Variants in FOCAD observed in about 807,000 individuals in gnomAD.
FOCAD encodes focadhesin.
FOCAD carries 198 observed loss-of-function variants against 225.6 expected under a neutral mutation model. The ratio of observed to expected loss-of-function variants is 0.88; its 90% confidence interval spans 0.78 to 0.99. FOCAD has a LOEUF of 0.99. FOCAD is among the 50% of genes least tolerant of loss of function. FOCAD has a pLI of 0.00. For missense variants in FOCAD, 2,713 were observed against 2,123.6 expected, an observed-to-expected ratio of 1.28 and a Z score of -5.46; for synonymous variants, 897 against 755.0, an observed-to-expected ratio of 1.19 and a Z score of -3.08.
At chr9:20,737,854 G>C (rs1827274594) in intron 4 of FOCAD, among the ~76,000 whole-genome samples, 1 of 152,198 alleles carries the variant, frequency 6.6e-6, no homozygotes, top group Non-Finnish European at 1.5e-5. Flanking sequence ...TAGACCTTCA[G>C]AGGAGGCTGT....
In FOCAD at chr9:20,787,756, C is replaced by A. The variant is rs143989624; in HGVS notation, c.1198-1595C>A. On this transcript the variant is annotated intron_variant, in intron 10 of 43. Transcript: ENST00000338382. The stretch of plus-strand genomic sequence containing the variant: ...TACTAATTTCTTCTGTATTTGTCCA[C>A]ATACTTTTCTTTGCATGTACAAGCA... Among the ~76,000 whole-genome samples, 10 of 150,592 alleles carry A rather than the reference C, an allele frequency of 6.6e-5. No individual in the cohort carries two copies. In the East Asian group the frequency reaches 1.7e-3, roughly 26 times the overall value.
At chr9:20,814,714 T>TA (rs1823474553) in intron 11 of FOCAD, among the ~76,000 whole-genome samples, 1 of 152,110 alleles carries the variant, frequency 6.6e-6, no homozygotes, top group Non-Finnish European at 1.5e-5. Flanking sequence ...GCCATGGGAC[T>TA]TACATCAATA....
chr9:20,866,046 G>C, intron 17 of FOCAD, 70 bp downstream of exon 17: 1 of 1,287,404 alleles, frequency 7.8e-7, no homozygotes, highest in Non-Finnish European at 1.1e-6. Flanking sequence ...TGTAAAATAA[G>C]ACTCTTAGGA....
intron 15 of FOCAD, among the ~76,000 whole-genome samples, chr9:20,855,476 G>C (rs1038936848): frequency 2.0e-5 from 3 of 151,250 alleles, no homozygotes; most frequent in Non-Finnish European, 3.0e-5. Flanking sequence ...TTAGTTATGA[G>C]TACATAATAG....
At chr9:20,993,170 T>C (rs1841809738) in intron 42 of FOCAD, 83 bp from the exon 43 acceptor site, 13 of 1,143,054 alleles carry the variant, frequency 1.1e-5, no homozygotes, top group Non-Finnish European at 1.6e-5. Context: ...AATCACCTCA[T>C]ATATATAGGT....
chr9:20,935,303 A>G (rs902806116), intron 28 of FOCAD, among the ~76,000 whole-genome samples: 2 of 152,232 alleles, frequency 1.3e-5, no homozygotes, highest in Non-Finnish European at 2.9e-5. Flanking sequence ...CTTACACCTT[A>G]TATTACTAAG....
In FOCAD at chr9:20,720,360, A is replaced by T; in HGVS notation, c.133-20A>T. The T allele has an allele frequency of 6.2e-7, 1 of 1,612,692 alleles. No individual in the cohort carries two copies. The highest frequency in any genetic ancestry group is 8.5e-7 in the Non-Finnish European group (1 of 1,179,104). ...TTGCTGCTCATCAGAATTGTCTTCT[A>T]ATCACTGGTTTGGTTTCAGACTCCT... On this transcript the variant is annotated intron_variant, in intron 3 of 43. Transcript: ENST00000338382.
intron 21 of FOCAD, among the ~76,000 whole-genome samples, chr9:20,900,082 A>G (rs1384587143): frequency 6.6e-6 from 1 of 151,976 alleles, no homozygotes; most frequent in Admixed American, 6.6e-5. Context: ...CCTGTTGCAG[A>G]GGAAGCTGAA....
intron 35 of FOCAD, among the ~76,000 whole-genome samples, chr9:20,974,965 CT>C (rs1245822511): frequency 2.6e-5 from 4 of 152,056 alleles, no homozygotes; most frequent in Admixed American, 6.6e-5. Flanking sequence ...GCTGTTTTTC[CT>C]TTTGCTGACT....
chr9:20,893,371 G>T (rs774294920), intron 21 of FOCAD, among the ~76,000 whole-genome samples: 1 of 152,012 alleles, frequency 6.6e-6, no homozygotes. Flanking sequence ...GACCAAACCT[G>T]TCTGAGGTGT....
At chr9:20,846,004 A>G (rs756043238) in intron 15 of FOCAD, among the ~76,000 whole-genome samples, 3 of 152,144 alleles carry the variant, frequency 2.0e-5, no homozygotes, top group Non-Finnish European at 4.4e-5. Flanking sequence ...AGAAATTTAC[A>G]TTTACTTTCT....
chr9:20,947,340 G>A (rs74345764), intron 30 of FOCAD, among the ~76,000 whole-genome samples: 28 of 152,236 alleles, frequency 1.8e-4, no homozygotes, highest in African/African-American at 6.7e-4. Flanking sequence ...GTTCTGATAT[G>A]TACTAGAACA....
intron 10 of FOCAD, among the ~76,000 whole-genome samples, chr9:20,783,067 T>A (rs1415085331): frequency 6.6e-6 from 1 of 152,142 alleles, no homozygotes; most frequent in Admixed American, 6.6e-5. Context: ...AATGATTGGA[T>A]CTTGAATGGG....
chr9:20,962,415 C>CAT (rs1483031062), intron 35 of FOCAD, among the ~76,000 whole-genome samples: 40 of 137,464 alleles, frequency 2.9e-4, no homozygotes, highest in East Asian at 6.2e-4. Context: ...TATATACACA[C>CAT]ACACATACAT....
At chr9:20,721,977 CTCCT>C (rs1196940502) in intron 4 of FOCAD, among the ~76,000 whole-genome samples, 44 of 59,852 alleles carry the variant, frequency 7.4e-4, no homozygotes, top group South Asian at 2.0e-3. Context: ...TTTTTCTCCC[CTCCT>C]TCCCTCCCTC....
chr9:20,720,369 T>C lies in FOCAD; in HGVS notation c.133-11T>C, dbSNP rs1586936027. On this transcript the variant is annotated splice_polypyrimidine_tract_variant and intron_variant, in intron 3 of 43. Coordinates refer to ENST00000338382, the MANE Select transcript of FOCAD (RefSeq NM_001375567.1). ...ATCAGAATTGTCTTCTAATCACTGG[T>C]TTGGTTTCAGACTCCTGCTTTGAAC... The C allele has an allele frequency of 1.9e-6, 3 of 1,613,364 alleles. No homozygotes were observed. In the East Asian group the frequency reaches 6.7e-5, roughly 36 times the overall value.
chr9:20,700,881 C>A (rs1351525632), intron 1 of FOCAD, among the ~76,000 whole-genome samples: 1 of 152,198 alleles, frequency 6.6e-6, no homozygotes, highest in Non-Finnish European at 1.5e-5. Flanking sequence ...CCATGCCAGA[C>A]CCTGAAGGGG....
chr9:20,918,487 G>C (rs188749427), intron 24 of FOCAD, among the ~76,000 whole-genome samples: 3,205 of 152,302 alleles, frequency 0.021, 124 homozygotes, highest in African/African-American at 0.073. Context: ...ACTTTGGGAG[G>C]CTGAGGCGGG....
At chr9:20,685,792 A>G (rs918109798) in intron 1 of FOCAD, among the ~76,000 whole-genome samples, 11 of 152,084 alleles carry the variant, frequency 7.2e-5, no homozygotes, top group East Asian at 1.9e-4. Context: ...ATTAACCCCA[A>G]ATTTACTGGA....
Sources: gnomAD v4.1 joint callset for allele counts (sites outside exome capture counted in the v4.1 genomes callset) on GRCh38, gnomAD v4.1.1 for gene constraint, MANE v1.5 for transcripts, NCBI Gene and HGNC (gene_info 2026-07-23, HGNC 2026-07-21) for gene names.